Variants in RELN observed in about 807,000 individuals in gnomAD.
The protein encoded by RELN is reelin.
Under a neutral mutation model 427.6 loss-of-function variants are expected in RELN, and 108 were observed. That is an observed-to-expected ratio of 0.25 (90% CI 0.22 to 0.30). The LOEUF is 0.30. Ranked by LOEUF, RELN falls within the 10% of genes least tolerant of loss-of-function variation. The probability of loss-of-function intolerance (pLI) is 1.00; values close to 1 mark genes in which losing one functional copy is unlikely to be tolerated. For synonymous variants in RELN, 1,524 were observed against 1,513.4 expected, an observed-to-expected ratio of 1.01 and a Z score of -0.16; for missense variants, 3,715 against 4,302.8, an observed-to-expected ratio of 0.86 and a Z score of 3.82.
intron 6 of RELN, among the ~76,000 whole-genome samples, chr7:103,743,209 T>C (rs1790717069): frequency 6.6e-6 from 1 of 152,028 alleles, no homozygotes; most frequent in Admixed American, 6.5e-5. Context: ...GACAAGCAAA[T>C]GCTGAGAGAT....
At chr7:103,652,134 T>C (rs978557558) in intron 14 of RELN, among the ~76,000 whole-genome samples, 1 of 152,124 alleles carries the variant, frequency 6.6e-6, no homozygotes, top group East Asian at 1.9e-4. Context: ...AGAAAAAATA[T>C]GAGCAACACT....
rs116848157 is a variant in RELN, at chr7:103,810,187, C to T, written c.473+23350G>A. 9.1e-3 allele frequency among the ~76,000 whole-genome samples: 1,388 copies of T among 152,264 alleles called. 35 individuals are homozygous for T. Among genetic ancestry groups the T allele is most frequent in the Admixed American group, 0.043 (653 of 15,290 alleles). ...GGCACCCTACTCCCTAATACTTGTA[C>T]ATTTACTTTCTTTCCCTTCTGCTGA... On this transcript the variant is annotated intron_variant, in intron 3 of 64. Coordinates refer to ENST00000428762, the MANE Select transcript of RELN (RefSeq NM_005045.4).
chr7:103,523,392 C>A lies in RELN; in HGVS notation c.7489G>T (p.Val2497Phe). Residue 2497 changes from valine (V) to phenylalanine (F), a missense_variant and splice_region_variant, in exon 47 of 65, where the codon GTC becomes TTC. Physicochemically the swap from Val to Phe is conservative, Grantham distance 50. Coordinates refer to ENST00000428762, the MANE Select transcript of RELN (RefSeq NM_005045.4). ...GAAGGAAGAAAAAAACCGACTTACA[C>A]GCAGTTTCCCTGGATGCATCTCCCA... ...GHGRCIQGNC[V>F]CDEQWGGLYC... The A allele has an allele frequency of 6.2e-7, 1 of 1,614,010 alleles. No individual in the cohort carries two copies. The highest frequency in any genetic ancestry group is 8.5e-7 in the Non-Finnish European group (1 of 1,179,948).
intron 12 of RELN, among the ~76,000 whole-genome samples, chr7:103,655,325 T>G (rs1430140626): frequency 1.3e-5 from 2 of 152,082 alleles, no homozygotes; most frequent in East Asian, 3.9e-4. Flanking sequence ...AACTTCTTTT[T>G]CTTTTATTAC....
At chr7:103,750,117 T>C (rs1327283796) in intron 5 of RELN, among the ~76,000 whole-genome samples, 2 of 152,158 alleles carry the variant, frequency 1.3e-5, no homozygotes, top group African/African-American at 4.8e-5. Context: ...GTAGCTGGGA[T>C]TACAGGTGCC....
At chr7:103,921,998 C>T (rs1466278338) in intron 1 of RELN, among the ~76,000 whole-genome samples, 1 of 152,106 alleles carries the variant, frequency 6.6e-6, no homozygotes, top group East Asian at 1.9e-4. Context: ...ACTACTTTCC[C>T]CAGAGTTTGG....
chr7:103,514,939 A>G (rs1471428654), intron 50 of RELN, among the ~76,000 whole-genome samples: 1 of 152,240 alleles, frequency 6.6e-6, no homozygotes, highest in Non-Finnish European at 1.5e-5. Flanking sequence ...TAAGAAAAGA[A>G]AATCCTGTTA....
intron 30 of RELN, 81 bp from the exon 31 acceptor site, chr7:103,572,341 A>G (rs1562898551): frequency 2.9e-5 from 23 of 782,258 alleles, no homozygotes; most frequent in Non-Finnish European, 4.8e-5. Context: ...ACATTAGAAA[A>G]AAACCCTCCT....
chr7:103,634,550 T>G (rs1832537017), intron 19 of RELN, among the ~76,000 whole-genome samples: 1 of 152,094 alleles, frequency 6.6e-6, no homozygotes, highest in Non-Finnish European at 1.5e-5. Context: ...CAACGGATAC[T>G]ATATATGATG....
chr7:103,717,480 CA>C (rs71154364), intron 8 of RELN, among the ~76,000 whole-genome samples: 6,225 of 146,572 alleles, frequency 0.042, 418 homozygotes, highest in African/African-American at 0.14. Flanking sequence ...ATATATAAAA[CA>C]AAAAAAAAAA....
chr7:103,550,968 G>A (rs1350785978), intron 41 of RELN, 99 bp downstream of exon 41: 1 of 944,870 alleles, frequency 1.1e-6, no homozygotes, highest in Non-Finnish European at 1.6e-6. Flanking sequence ...AGAAACGTCA[G>A]GTGGAAATTT....
intron 2 of RELN, among the ~76,000 whole-genome samples, chr7:103,900,006 T>TA (rs1453957042): frequency 1.3e-5 from 2 of 152,120 alleles, no homozygotes; most frequent in Non-Finnish European, 2.9e-5. Context: ...GGAAGTCAAA[T>TA]AGTCCCTGTT....
intron 16 of RELN, 84 bp downstream of exon 16, chr7:103,650,190 T>A (rs1168158312): frequency 1.2e-6 from 1 of 850,784 alleles, no homozygotes; most frequent in Admixed American, 1.7e-5. Flanking sequence ...GACTTAGAAA[T>A]GTGATTAAGT....
chr7:103,626,079 T>C lies in RELN; in HGVS notation c.2702+3861A>G, dbSNP rs1832323105. 6.6e-6 allele frequency among the ~76,000 whole-genome samples: 1 copy of C among 152,076 alleles called. No homozygotes were observed. The highest frequency in any genetic ancestry group is 6.6e-5 in the Admixed American group (1 of 15,256). On this transcript the variant is annotated intron_variant, in intron 20 of 64. Transcript: ENST00000428762. This position sits in a 1 kb window ranked among gnomAD's most constrained non-coding sequence, Gnocchi z 4.4. The stretch of plus-strand genomic sequence containing the variant: ...GGGTGGAGCTAGAAGTCAGGGATGT[T>C]TGTCATACATTACTAACAAAACTCA...
rs747966572 is a variant in RELN, at chr7:103,989,122, G to A, written c.226+9C>T. Reference sequence around the variant, plus strand: ...GCGGCGGCGAGCGCGGAGGTGCTGCGGTACCTACCATGGTATTCTTGTCCC... The same window carrying A: ...GCGGCGGCGAGCGCGGAGGTGCTGCAGTACCTACCATGGTATTCTTGTCCC... On this transcript the variant is annotated intron_variant, in intron 1 of 64. Transcript: ENST00000428762. This position sits in a 1 kb window ranked among gnomAD's most constrained non-coding sequence, Gnocchi z 4.9. 19 of 1,612,174 alleles carry A rather than the reference G, an allele frequency of 1.2e-5. No individual in the cohort carries two copies. Among genetic ancestry groups the A allele is most frequent in the Middle Eastern group, 3.4e-4 (2 of 5,960 alleles).
intron 16 of RELN, among the ~76,000 whole-genome samples, chr7:103,643,369 A>G (rs780722901): frequency 2.6e-5 from 4 of 152,068 alleles, no homozygotes; most frequent in Non-Finnish European, 5.9e-5. Context: ...TAATTAAAAT[A>G]AGAAACCGAA....
In RELN at chr7:103,754,761, G is replaced by C. The variant is rs563321743; in HGVS notation, c.545-1547C>G. On this transcript the variant is annotated intron_variant, in intron 4 of 64. Coordinates refer to ENST00000428762, the MANE Select transcript of RELN (RefSeq NM_005045.4). ...ATCACACTCCAGCCTGAGCAAGAGA[G>C]TCAGACCCTGTCTCTAAATAAATAA... 1.2e-4 allele frequency among the ~76,000 whole-genome samples: 19 copies of C among 152,234 alleles called. No homozygotes were observed. The East Asian group carries it at 3.7e-3, about 29-fold the overall frequency.
chr7:103,666,944 G>GTATT (rs1833280689), intron 11 of RELN, among the ~76,000 whole-genome samples: 1 of 152,144 alleles, frequency 6.6e-6, no homozygotes, highest in African/African-American at 2.4e-5. Flanking sequence ...TCCTGTGTGA[G>GTATT]TATTTTTAAC....
intron 10 of RELN, among the ~76,000 whole-genome samples, chr7:103,687,508 G>A (rs1464982808): frequency 1.3e-5 from 2 of 152,150 alleles, no homozygotes; most frequent in Non-Finnish European, 2.9e-5. Context: ...CAGGGAACAT[G>A]CCTAAAGATT....
Sources: allele counts gnomAD v4.1 joint callset (sites outside exome capture counted in the v4.1 genomes callset), GRCh38; gene constraint gnomAD v4.1.1; non-coding constraint Gnocchi (gnomAD v3.1); transcripts MANE v1.5; gene names NCBI Gene and HGNC (gene_info 2026-07-23, HGNC 2026-07-21).